Variants in EYS observed in about 807,000 individuals in gnomAD.
The protein encoded by EYS is EGF-like photoreceptor maintenance factor.
In EYS, 250 loss-of-function variants were observed where a neutral mutation model predicts 282.1. The observed-to-expected ratio is 0.89, with a 90% CI of 0.80 to 0.98. EYS has a LOEUF of 0.98. Among genes scored for constraint, EYS ranks in the 50% least tolerant of loss-of-function variants. The probability of loss-of-function intolerance (pLI) is 0.00; values close to 1 mark genes in which losing one functional copy is unlikely to be tolerated. For synonymous variants in EYS, 1,355 were observed against 1,282.9 expected (o/e 1.06, Z -1.20); for missense variants, 4,016 against 3,709.0 (o/e 1.08, Z -2.15).
chr6:64,763,103 T>C (rs1049637037), intron 22 of EYS, among the ~76,000 whole-genome samples: 1 of 149,788 alleles, frequency 6.7e-6, no homozygotes, highest in Non-Finnish European at 1.5e-5. Context: ...TTCTTTTATT[T>C]TGAAAAAATA....
At chr6:65,632,439 T>C (rs537459159) in intron 2 of EYS, among the ~76,000 whole-genome samples, 1 of 152,206 alleles carries the variant, frequency 6.6e-6, no homozygotes, top group African/African-American at 2.4e-5. Flanking sequence ...AAATCCGCAC[T>C]TATACTCACT....
chr6:64,813,470 G>T lies in EYS; in HGVS notation c.3351C>A (p.Ser1117Arg). The T allele has an allele frequency of 1.3e-6, 2 of 1,550,360 alleles. No homozygotes were observed. The highest frequency in any genetic ancestry group is 1.7e-6 in the Non-Finnish European group (2 of 1,146,150). ...GTTCAGGCTCAGCACAATTATCAAT[G>T]CTTTTTTCACAGTATGCACCAGTGT... Reference protein sequence around the residue: ...RGYTGAYCEKSIDNCAEPELN... With the variant: ...RGYTGAYCEKRIDNCAEPELN... Residue 1117 changes from serine to arginine, a missense_variant, in exon 22 of 43, where the codon AGC becomes AGA. By Grantham distance (110) the Ser-to-Arg change is moderately radical. Coordinates refer to ENST00000503581, the MANE Select transcript of EYS (RefSeq NM_001142800.2).
intron 22 of EYS, among the ~76,000 whole-genome samples, chr6:64,699,093 C>T (rs199828221): frequency 3.3e-5 from 5 of 152,046 alleles, no homozygotes; most frequent in African/African-American, 7.2e-5. Context: ...AATGACAGAT[C>T]GGATAAAGAA....
intron 13 of EYS, among the ~76,000 whole-genome samples, chr6:65,049,929 T>A (rs919910194): frequency 6.6e-6 from 1 of 151,660 alleles, no homozygotes; most frequent in African/African-American, 2.4e-5. Flanking sequence ...ATACTTATGG[T>A]CAATTACAGT....
intron 10 of EYS, 29 bp downstream of exon 10, chr6:65,344,009 T>C: frequency 6.3e-7 from 1 of 1,594,470 alleles, no homozygotes; most frequent in Non-Finnish European, 8.6e-7. Context: ...AAGAGAAAAA[T>C]GAAAAGCAAC....
chr6:65,597,014 A>G (rs937872193), intron 2 of EYS, among the ~76,000 whole-genome samples: 1 of 152,242 alleles, frequency 6.6e-6, no homozygotes, highest in Middle Eastern at 3.4e-3. Flanking sequence ...AATTTGATAC[A>G]GATTCACAAA....
chr6:64,567,867 G>C (rs548798766), intron 26 of EYS, among the ~76,000 whole-genome samples: 1 of 152,126 alleles, frequency 6.6e-6, no homozygotes, highest in Non-Finnish European at 1.5e-5. Flanking sequence ...CTAGAAAACT[G>C]ACCAGTACAA....
intron 12 of EYS, among the ~76,000 whole-genome samples, chr6:65,187,918 T>C (rs1765551298): frequency 1.3e-5 from 2 of 151,786 alleles, no homozygotes; most frequent in South Asian, 4.1e-4. Context: ...CTAAACTATG[T>C]TCTTTTTCCT....
chr6:63,844,499 A>C (rs1772047009), intron 36 of EYS, among the ~76,000 whole-genome samples: 1 of 152,110 alleles, frequency 6.6e-6, no homozygotes, highest in African/African-American at 2.4e-5. Context: ...CTGTTTCTCC[A>C]CAACCTCTCC....
At chr6:64,317,046 C>G (rs777508435) in intron 29 of EYS, among the ~76,000 whole-genome samples, 4 of 152,088 alleles carry the variant, frequency 2.6e-5, no homozygotes, top group Non-Finnish European at 5.9e-5. Context: ...CTCCTTACAC[C>G]TTATATAAAA....
chr6:64,233,278 A>G (rs1766484195), intron 30 of EYS, among the ~76,000 whole-genome samples: 1 of 152,222 alleles, frequency 6.6e-6, no homozygotes, highest in African/African-American at 2.4e-5. Context: ...CTTTGTTATA[A>G]AGATCAAATT....
chr6:64,378,686 A>G (rs1230180823), intron 29 of EYS, among the ~76,000 whole-genome samples: 2 of 152,194 alleles, frequency 1.3e-5, no homozygotes, highest in Non-Finnish European at 2.9e-5. Context: ...AAAAAGCCCA[A>G]GCAAGCATAA....
At chr6:65,065,539 C>T (rs1014180626) in intron 12 of EYS, among the ~76,000 whole-genome samples, 3 of 148,882 alleles carry the variant, frequency 2.0e-5, no homozygotes, top group Admixed American at 6.7e-5. Flanking sequence ...CCCACCACCA[C>T]GCCTGGCTAT....
intron 36 of EYS, among the ~76,000 whole-genome samples, chr6:63,862,209 ATTC>A (rs2149708640): frequency 6.6e-6 from 1 of 152,112 alleles, no homozygotes; most frequent in African/African-American, 2.4e-5. Context: ...TTCCTTCATA[ATTC>A]TTCTCAGAAA....
chr6:64,095,582 C>A (rs965376391), intron 31 of EYS, among the ~76,000 whole-genome samples: 1 of 152,056 alleles, frequency 6.6e-6, no homozygotes, highest in African/African-American at 2.4e-5. Context: ...GCAACCCCTG[C>A]CGTTTTTTGT....
At chr6:64,251,559 ACTTCT>A (rs1367808847) in intron 30 of EYS, among the ~76,000 whole-genome samples, 4 of 152,170 alleles carry the variant, frequency 2.6e-5, no homozygotes, top group African/African-American at 9.7e-5. Flanking sequence ...CTTAGTTGTT[ACTTCT>A]CTTCTATTAA....
intron 30 of EYS, among the ~76,000 whole-genome samples, chr6:64,262,712 T>C (rs1040990406): frequency 2.0e-5 from 3 of 152,042 alleles, no homozygotes; most frequent in African/African-American, 7.2e-5. Flanking sequence ...AGGTAAGCTC[T>C]TTTAGTTTCG....
chr6:64,772,644 A>G (rs1256838103), intron 22 of EYS, among the ~76,000 whole-genome samples: 1 of 151,708 alleles, frequency 6.6e-6, no homozygotes, highest in Non-Finnish European at 1.5e-5. Flanking sequence ...AACTATCCCT[A>G]CGTACTCTGC....
chr6:65,043,978 T>C (rs1773021162), intron 13 of EYS, among the ~76,000 whole-genome samples: 1 of 151,744 alleles, frequency 6.6e-6, no homozygotes, highest in Non-Finnish European at 1.5e-5. Flanking sequence ...TCATGATGGT[T>C]TTACTAATTT....
Sources: allele counts gnomAD v4.1 joint callset (sites outside exome capture counted in the v4.1 genomes callset), GRCh38; gene constraint gnomAD v4.1.1; transcripts MANE v1.5; gene names NCBI Gene and HGNC (gene_info 2026-07-23, HGNC 2026-07-21).